Variants in IL17REL observed in about 807,000 individuals in gnomAD.
IL17REL encodes interleukin-17 receptor E-like protein.
In IL17REL, 36 loss-of-function variants were observed where a neutral mutation model predicts 49.0. That is an observed-to-expected ratio of 0.73 (90% CI 0.56 to 0.97). The LOEUF (loss-of-function observed/expected upper bound fraction) is 0.97, where lower values mean the gene tolerates loss of function less well. Ranked by LOEUF, IL17REL falls within the 50% of genes least tolerant of loss-of-function variation. The pLI is 0.00. For missense variants in IL17REL, 470 were observed against 453.9 expected (o/e 1.04, Z -0.32); for synonymous variants, 206 against 192.4 (o/e 1.07, Z -0.58).
At chr22:49,997,581 C>A in intron 10 of IL17REL, 98 bp from the exon 13 acceptor site, 2 of 1,417,338 alleles carry the variant, frequency 1.4e-6, no homozygotes, top group East Asian at 2.3e-5. Context: ...GTACCTCCCC[C>A]ACACTGGCTT....
At position 49,998,874 on chromosome 22, in the gene IL17REL, G is replaced by A. The variant is rs1171562444; in HGVS notation, c.601+417C>T. Among the ~76,000 whole-genome samples, 5 of 151,586 alleles carry A rather than the reference G, an allele frequency of 3.3e-5. No homozygotes were observed. In the East Asian group the frequency reaches 7.7e-4, roughly 23 times the overall value. On this transcript the variant is annotated intron_variant, in intron 7 of 12. Coordinates refer to ENST00000341280, the Ensembl canonical transcript of IL17REL. The stretch of plus-strand genomic sequence containing the variant: ...ATGTGTATGGGCGTGTATGTTCATG[G>A]GTGTCTGTGCATGTGTGTGTGCATG...
intron 6 of IL17REL, 38 bp from the exon 9 acceptor site, chr22:49,999,383 C>A (rs1355962792): frequency 2.5e-6 from 4 of 1,612,734 alleles, no homozygotes; most frequent in Non-Finnish European, 3.4e-6. Flanking sequence ...CCCACCCATC[C>A]CTGTGCTCCC....
intron 9 of IL17REL, 44 bp from the exon 12 acceptor site, chr22:49,997,786 AGGCAGG>A (rs762033570): frequency 5.7e-5 from 91 of 1,587,446 alleles, no homozygotes; most frequent in Middle Eastern, 1.7e-4. Flanking sequence ...AGTGTGTGTG[AGGCAGG>A]GGCAGGGACA....
At chr22:49,999,196 CCTTAT>C in intron 7 of IL17REL, 90 bp downstream of exon 9, 1 of 1,459,888 alleles carries the variant, frequency 6.8e-7, no homozygotes, top group Non-Finnish European at 9.6e-7. Flanking sequence ...TGGGCCTGCT[CCTTAT>C]CTCATCCCCC....
intron 4 of IL17REL, among the ~76,000 whole-genome samples, 65 bp from the exon 6 acceptor site, chr22:50,000,305 C>A (rs2061070196): frequency 6.6e-6 from 1 of 152,246 alleles, no homozygotes; most frequent in African/African-American, 2.4e-5. Context: ...TCCTCCTCCA[C>A]CCGCCCCCCA....
chr22:49,997,231 G>A, intron 11 of IL17REL, 89 bp downstream of exon 13: 2 of 1,461,982 alleles, frequency 1.4e-6, no homozygotes, highest in Non-Finnish European at 1.9e-6. Context: ...CAGGGCCCGG[G>A]TGGGGCAGAG....
At chr22:50,000,975 G>GC (rs878930442) in intron 2 of IL17REL, 107 bp downstream of exon 3, 89 of 1,251,910 alleles carry the variant, frequency 7.1e-5, no homozygotes, top group Admixed American at 2.1e-4. Flanking sequence ...GCGGTTAGCA[G>GC]CCCCCCTCCC....
intron 1 of IL17REL, among the ~76,000 whole-genome samples, chr22:50,008,340 C>T (rs1015905132): frequency 6.6e-6 from 1 of 152,194 alleles, no homozygotes; most frequent in African/African-American, 2.4e-5. Context: ...CGGGGTTTTC[C>T]ACCTGCTGCT....
At chr22:50,007,241 A>G (rs1372521739) in intron 1 of IL17REL, among the ~76,000 whole-genome samples, 1 of 152,104 alleles carries the variant, frequency 6.6e-6, no homozygotes, top group African/African-American at 2.4e-5. Flanking sequence ...CCAATTCCAC[A>G]AGATCCGCCC....
At chr22:50,011,738 A>G (rs916335156), upstream of IL17REL, among the ~76,000 whole-genome samples, 1 of 151,814 alleles carries the variant, frequency 6.6e-6, no homozygotes, top group Non-Finnish European at 1.5e-5. Context: ...GAGCCTGCCC[A>G]TGGCACCCAG....
chr22:49,998,278 C>A (rs778944661), exon 8 of IL17REL: 1 of 1,610,400 alleles, frequency 6.2e-7, no homozygotes, highest in Non-Finnish European at 8.5e-7. Context: ...GGTAGTAGAC[C>A]GTGTCCCACA....
downstream of IL17REL, among the ~76,000 whole-genome samples, chr22:49,993,508 G>A (rs533341310): frequency 4.6e-5 from 7 of 152,286 alleles, no homozygotes; most frequent in East Asian, 1.4e-3. This position sits in a 1 kb window ranked among gnomAD's most constrained non-coding sequence, Gnocchi z 6.0. Flanking sequence ...TGCTGGGGCG[G>A]CTGATCCGGC....
rs1161828949 is a variant in IL17REL, at chr22:49,999,326, T to TCAGG, written c.562_565dup (p.Asp189AlafsTer2). 1 of 1,612,928 alleles carries TCAGG rather than the reference T, an allele frequency of 6.2e-7. No homozygotes were observed. Among genetic ancestry groups the TCAGG allele is most frequent in the Admixed American group, 1.7e-5 (1 of 60,018 alleles). ...GGGGCAGATCTGGATCCGCACCGCGTCAGGGGTCGCAGACCAGCCCTGTGG... is the reference window on the plus strand; with the variant it reads ...GGGGCAGATCTGGATCCGCACCGCGTCAGGCAGGGGTCGCAGACCAGCCCTGTGG... On this transcript the variant is annotated stop_gained and frameshift_variant, in exon 7 of 13. Coordinates refer to ENST00000341280, the Ensembl canonical transcript of IL17REL. LOFTEE classifies it high-confidence loss of function.
Position 49,997,660 on chromosome 22 carries a change from T to G in IL17REL, c.877+25A>C, listed in dbSNP as rs375874704. The G allele has an allele frequency of 6.9e-5, 111 of 1,606,834 alleles. No individual in the cohort carries two copies. The African/African-American group carries it at 1.4e-3, about 20-fold the overall frequency. ...AGGATGTTCTGTGCTGCGTCCACAT[T>G]GCGTAGGCCTCATGGAGAACTTACT... On this transcript the variant is annotated intron_variant, in intron 10 of 12. Transcript: ENST00000341280.
intron 1 of IL17REL, among the ~76,000 whole-genome samples, chr22:50,005,138 T>C (rs2061102330): frequency 6.6e-6 from 1 of 151,924 alleles, no homozygotes; most frequent in Admixed American, 6.6e-5. Context: ...CCAACTAAGC[T>C]GACAAAATGA....
chr22:49,997,323 G>T (rs145996075), exon 11 of IL17REL: 2 of 1,613,350 alleles, frequency 1.2e-6, no homozygotes, highest in South Asian at 2.2e-5. Flanking sequence ...GGCTCACTGA[G>T]GCTGAAGGGA....
At chr22:50,003,122 G>C (rs926408752) in intron 1 of IL17REL, among the ~76,000 whole-genome samples, 10 of 152,162 alleles carry the variant, frequency 6.6e-5, no homozygotes, top group African/African-American at 2.4e-4. Context: ...AGAGGATAAC[G>C]CAGAGAGAGC....
At chr22:50,000,428 G>A (rs1569209673) in intron 4 of IL17REL, 50 bp downstream of exon 5, 4 of 1,409,608 alleles carry the variant, frequency 2.8e-6, no homozygotes, top group Non-Finnish European at 4.0e-6. Flanking sequence ...CCCAAGCCAG[G>A]CCCTGGAGGC....
chr22:50,000,896 A>G (rs985658981), intron 2 of IL17REL, 33 bp from the exon 4 acceptor site: 6 of 1,466,334 alleles, frequency 4.1e-6, no homozygotes, highest in East Asian at 2.5e-5. Flanking sequence ...AGGGTGCATC[A>G]GAGCAGGGCC....
Sources: allele counts gnomAD v4.1 joint callset (sites outside exome capture counted in the v4.1 genomes callset), GRCh38; gene constraint gnomAD v4.1.1; non-coding constraint Gnocchi (gnomAD v3.1); transcripts MANE v1.5; gene names NCBI Gene and HGNC (gene_info 2026-07-23, HGNC 2026-07-21).